SLC9A9: variants seen among roughly 807,000 people sequenced by gnomAD.
The protein encoded by SLC9A9 is solute carrier family 9 member A9, also known as sodium/hydrogen exchanger 9.
In SLC9A9, 62 loss-of-function variants were observed where a neutral mutation model predicts 77.8. The ratio of observed to expected loss-of-function variants is 0.80; its 90% CI spans 0.65 to 0.98. The LOEUF is 0.98. Among genes scored for constraint, SLC9A9 ranks in the 50% least tolerant of loss-of-function variants. SLC9A9 has a pLI of 0.00. For missense variants in SLC9A9, 775 were observed against 774.9 expected (o/e 1.00, Z 0.00); for synonymous variants, 320 against 283.5 (o/e 1.13, Z -1.29).
At chr3:143,325,787 C>T (rs1390747359) in intron 14 of SLC9A9, among the ~76,000 whole-genome samples, 13 of 152,164 alleles carry the variant, frequency 8.5e-5, no homozygotes, top group Non-Finnish European at 1.5e-5. Context: ...TTGTCAGTTA[C>T]TATTTAAAGC....
chr3:143,562,535 G>C (rs981302592), intron 8 of SLC9A9, among the ~76,000 whole-genome samples: 8 of 151,702 alleles, frequency 5.3e-5, no homozygotes, highest in Admixed American at 4.6e-4. Context: ...AACTTAATAG[G>C]AGAAACAACT....
intron 2 of SLC9A9, among the ~76,000 whole-genome samples, chr3:143,798,231 C>T (rs1162288275): frequency 6.6e-6 from 1 of 152,172 alleles, no homozygotes; most frequent in African/African-American, 2.4e-5. Context: ...AAAGGAGACA[C>T]ATTTTATCCG....
chr3:143,466,339 A>T (rs186752703), intron 12 of SLC9A9, among the ~76,000 whole-genome samples: 66 of 152,386 alleles, frequency 4.3e-4, no homozygotes, highest in South Asian at 1.0e-3. Flanking sequence ...GGTCACAAGA[A>T]CATTAAACAA....
At chr3:143,803,589 C>A (rs879835759) in intron 2 of SLC9A9, among the ~76,000 whole-genome samples, 17 of 152,136 alleles carry the variant, frequency 1.1e-4, no homozygotes, top group Non-Finnish European at 2.1e-4. Flanking sequence ...TGGCAGGGCA[C>A]CCTTCAATAC....
chr3:143,463,289 G>T (rs1195241138), intron 12 of SLC9A9, among the ~76,000 whole-genome samples: 1 of 152,146 alleles, frequency 6.6e-6, no homozygotes, highest in Non-Finnish European at 1.5e-5. Flanking sequence ...TGTGGTATGG[G>T]CTCCATTCTC....
chr3:143,272,224 T>C (rs1332297564), intron 14 of SLC9A9, among the ~76,000 whole-genome samples: 1 of 152,182 alleles, frequency 6.6e-6, no homozygotes, highest in East Asian at 1.9e-4. Context: ...TCACAGGTTT[T>C]TGTTTCATGT....
intron 4 of SLC9A9, among the ~76,000 whole-genome samples, chr3:143,765,432 G>C (rs990511146): frequency 2.0e-5 from 3 of 152,154 alleles, no homozygotes; most frequent in Non-Finnish European, 4.4e-5. Flanking sequence ...TTCGAGTGCA[G>C]TAGGGATCTC....
chr3:143,610,981 G>A (rs543540622), intron 6 of SLC9A9, among the ~76,000 whole-genome samples: 204 of 149,654 alleles, frequency 1.4e-3, no homozygotes, highest in African/African-American at 4.6e-3. Context: ...CAAAAGGACC[G>A]AAAAAAAAAT....
chr3:143,442,421 C>T (rs1220316358), intron 12 of SLC9A9, among the ~76,000 whole-genome samples: 2 of 152,174 alleles, frequency 1.3e-5, no homozygotes, highest in Non-Finnish European at 2.9e-5. Context: ...TATGTAAATT[C>T]TAACTTTAAA....
At chr3:143,364,539 G>A (rs918601034) in intron 13 of SLC9A9, among the ~76,000 whole-genome samples, 1 of 152,140 alleles carries the variant, frequency 6.6e-6, no homozygotes, top group Non-Finnish European at 1.5e-5. Flanking sequence ...TCCACAGCCA[G>A]CCCTTAGATG....
chr3:143,747,404 CAAAAA>C (rs1003997379), intron 4 of SLC9A9, among the ~76,000 whole-genome samples: 1 of 51,704 alleles, frequency 1.9e-5, no homozygotes. Flanking sequence ...AACTCCATCT[CAAAAA>C]AAAAAAAAAA....
intron 9 of SLC9A9, among the ~76,000 whole-genome samples, chr3:143,535,731 A>G (rs1452538393): frequency 2.0e-5 from 3 of 152,154 alleles, no homozygotes; most frequent in Non-Finnish European, 4.4e-5. Context: ...TATATATAAT[A>G]ATATTTTCAC....
At chr3:143,350,222 T>C (rs1381020760) in intron 14 of SLC9A9, among the ~76,000 whole-genome samples, 2 of 152,174 alleles carry the variant, frequency 1.3e-5, no homozygotes, top group Non-Finnish European at 1.5e-5. Context: ...CCCCCAATAA[T>C]GCGGCATCAG....
intron 14 of SLC9A9, among the ~76,000 whole-genome samples, chr3:143,315,641 A>G (rs1234306722): frequency 6.6e-6 from 1 of 152,246 alleles, no homozygotes; most frequent in Non-Finnish European, 1.5e-5. Context: ...ACCATAGATA[A>G]TCAAGACCCA....
chr3:143,304,967 T>C (rs1418793639), intron 14 of SLC9A9, among the ~76,000 whole-genome samples: 1 of 152,202 alleles, frequency 6.6e-6, no homozygotes, highest in East Asian at 1.9e-4. Context: ...TTTGGGTCTA[T>C]GAATAATAAC....
chr3:143,667,506 T>C (rs1042531189), intron 5 of SLC9A9, among the ~76,000 whole-genome samples: 7 of 152,082 alleles, frequency 4.6e-5, no homozygotes, highest in East Asian at 1.9e-4. Flanking sequence ...TAAAGAGCTT[T>C]TGCACAGCAA....
intron 13 of SLC9A9, among the ~76,000 whole-genome samples, chr3:143,367,672 A>T (rs1441262995): frequency 6.6e-6 from 1 of 152,188 alleles, no homozygotes; most frequent in African/African-American, 2.4e-5. Flanking sequence ...AGCCCACGGG[A>T]GGGTCCAGAT....
At chr3:143,739,852 C>T (rs781660114) in intron 4 of SLC9A9, among the ~76,000 whole-genome samples, 3 of 152,192 alleles carry the variant, frequency 2.0e-5, no homozygotes, top group Non-Finnish European at 4.4e-5. Flanking sequence ...CCCAGACTTA[C>T]TGAATTTGAA....
At chr3:143,743,237 G>A (rs533621980) in intron 4 of SLC9A9, among the ~76,000 whole-genome samples, 110 of 134,482 alleles carry the variant, frequency 8.2e-4, no homozygotes, top group African/African-American at 2.5e-3. Context: ...ATGGATGGAT[G>A]GATGGATAGA....
Sources: allele counts gnomAD v4.1 joint callset (sites outside exome capture counted in the v4.1 genomes callset), GRCh38; gene constraint gnomAD v4.1.1; transcripts MANE v1.5; gene names NCBI Gene and HGNC (gene_info 2026-07-23, HGNC 2026-07-21).